PRDM10: variants seen among roughly 807,000 people sequenced by gnomAD.
PRDM10 encodes the protein PR/SET domain 10.
In PRDM10, 65 loss-of-function variants were observed where a neutral mutation model predicts 133.1. The observed-to-expected ratio is 0.49, with a 90% confidence interval of 0.40 to 0.60. The LOEUF (loss-of-function observed/expected upper bound fraction) is 0.60, where lower values mean the gene tolerates loss of function less well. PRDM10 is among the 20% of genes least tolerant of loss of function. The pLI is 0.00. For synonymous variants in PRDM10, 582 were observed against 580.4 expected (o/e 1.00, Z -0.04); for missense variants, 1,137 against 1,507.1 (o/e 0.75, Z 4.07).
At chr11:129,934,729 G>A (rs1486134255) in intron 9 of PRDM10, among the ~76,000 whole-genome samples, 1 of 152,052 alleles carries the variant, frequency 6.6e-6, no homozygotes, top group Non-Finnish European at 1.5e-5. Context: ...TTTATATAGT[G>A]GAATTAAACA....
At chr11:129,940,106 C>T (rs1169483575) in intron 7 of PRDM10, among the ~76,000 whole-genome samples, 1 of 152,176 alleles carries the variant, frequency 6.6e-6, no homozygotes, top group Non-Finnish European at 1.5e-5. Flanking sequence ...ATACCTCAAC[C>T]AATTTATTTT....
intron 13 of PRDM10, among the ~76,000 whole-genome samples, chr11:129,922,124 C>T (rs1405361730): frequency 2.0e-5 from 3 of 152,216 alleles, no homozygotes; most frequent in Admixed American, 2.0e-4. Context: ...AAATCTTCTT[C>T]TGTAACATTC....
chr11:129,946,963 G>A (rs1319231730), intron 5 of PRDM10, among the ~76,000 whole-genome samples, 182 bp downstream of exon 5: 5 of 152,160 alleles, frequency 3.3e-5, no homozygotes, highest in Non-Finnish European at 7.3e-5. Flanking sequence ...GAAAACGAAG[G>A]AGAGTGTCCC....
chr11:129,914,561 G>C (rs2241575), intron 17 of PRDM10, 143 bp downstream of exon 17: 1 of 1,113,408 alleles, frequency 9.0e-7, no homozygotes, highest in Non-Finnish European at 1.3e-6. Flanking sequence ...AGCCTGAAAG[G>C]GGAAGGGGCA....
intron 8 of PRDM10, among the ~76,000 whole-genome samples, chr11:129,936,824 CT>C (rs1951048971): frequency 6.6e-6 from 1 of 152,138 alleles, no homozygotes; most frequent in African/African-American, 2.4e-5. Context: ...CACCCTGAGC[CT>C]GTGAAACTTG....
chr11:129,929,103 C>T (rs1950771615), intron 11 of PRDM10, among the ~76,000 whole-genome samples: 1 of 152,166 alleles, frequency 6.6e-6, no homozygotes, highest in Non-Finnish European at 1.5e-5. Flanking sequence ...TATTGTGTAC[C>T]TAGCATAGTG....
rs1159728991 is a variant in PRDM10, at chr11:129,985,780, CAAAAAAAAAAAAAAA to C, written c.-119+16927_-119+16941del. Among the ~76,000 whole-genome samples the C allele has an allele frequency of 6.7e-3, 179 of 26,744 alleles. 1 individual carries two copies. The highest frequency in any genetic ancestry group is 0.016 in the African/African-American group (167 of 10,752). 17.5% of individuals were successfully genotyped at this position (26,744 alleles called of 152,430 possible). On this transcript the variant is annotated intron_variant, in intron 1 of 20. Transcript: ENST00000360871. ...CTGGGTGACAAAGACAAACCCTGTC[CAAAAAAAAAAAAAAA>C]AAAAAAAAAAAAAAATATATATATA...
chr11:129,982,858 G>A (rs1208432938), intron 1 of PRDM10, among the ~76,000 whole-genome samples: 3 of 152,130 alleles, frequency 2.0e-5, no homozygotes, highest in Non-Finnish European at 2.9e-5. Flanking sequence ...CTACTCAGGA[G>A]GCTAGGGTGG....
intron 20 of PRDM10, among the ~76,000 whole-genome samples, chr11:129,902,922 A>G (rs1949887949): frequency 6.6e-6 from 1 of 152,222 alleles, no homozygotes; most frequent in African/African-American, 2.4e-5. Context: ...TTGAAGAGGC[A>G]GAATGACCCT....
At chr11:129,948,568 C>G (rs1039610516) in intron 4 of PRDM10, among the ~76,000 whole-genome samples, 1 of 152,160 alleles carries the variant, frequency 6.6e-6, no homozygotes, top group Non-Finnish European at 1.5e-5. Flanking sequence ...CACCAGGCAG[C>G]CTGAATCATT....
rs546368878 is a variant in PRDM10 at position 129,997,083 on chromosome 11, C to T, written c.-119+5639G>A. ...CACAGGGCAGTAAAAGGAAAGGCAT[C>T]AATAAAGGCAGCTTAGGGCAAAACT... is the stretch of plus-strand genomic sequence containing the variant. On this transcript the variant is annotated intron_variant, in intron 1 of 20. Transcript: ENST00000360871. 1.1e-4 allele frequency among the ~76,000 whole-genome samples: 16 copies of T among 152,246 alleles called. No homozygotes were observed. The South Asian group carries it at 2.5e-3, about 24-fold the overall frequency.
At chr11:129,985,545 A>C (rs1591695962) in intron 1 of PRDM10, among the ~76,000 whole-genome samples, 1 of 152,062 alleles carries the variant, frequency 6.6e-6, no homozygotes, top group East Asian at 1.9e-4. Context: ...TAACCCCAGC[A>C]CTTTGGGAGG....
At chr11:129,919,516 A>G (rs932522334) in intron 13 of PRDM10, among the ~76,000 whole-genome samples, 1 of 152,216 alleles carries the variant, frequency 6.6e-6, no homozygotes, top group Non-Finnish European at 1.5e-5. Context: ...AAACAAATCC[A>G]TTGTTCACTA....
At chr11:129,988,688 G>A (rs1462835157) in intron 1 of PRDM10, among the ~76,000 whole-genome samples, 1 of 151,760 alleles carries the variant, frequency 6.6e-6, no homozygotes, top group East Asian at 1.9e-4. Context: ...GGAGTGCAGT[G>A]GTGCAATCTC....
In PRDM10 at chr11:129,944,000, A is replaced by G. The variant is rs117484106; in HGVS notation, c.762+771T>C. Among the ~76,000 whole-genome samples, 185 of 152,274 alleles carry G rather than the reference A, an allele frequency of 1.2e-3. 4 individuals are homozygous for G. The East Asian group carries it at 0.032, about 26-fold the overall frequency. On this transcript the variant is annotated intron_variant, in intron 6 of 20. Transcript: ENST00000360871. Reference sequence around the variant, plus strand: ...AGCGAGGCTCCATCTCAAAAAATAAATAAAATAAAATACAAACATTATAAA... The same window carrying G: ...AGCGAGGCTCCATCTCAAAAAATAAGTAAAATAAAATACAAACATTATAAA...
At chr11:129,996,014 T>C (rs765477965) in intron 1 of PRDM10, among the ~76,000 whole-genome samples, 3 of 152,158 alleles carry the variant, frequency 2.0e-5, no homozygotes, top group Non-Finnish European at 4.4e-5. Flanking sequence ...CTTCAAGTAT[T>C]TTAATTCACT....
chr11:129,979,413 G>A (rs1317921372), intron 1 of PRDM10, among the ~76,000 whole-genome samples: 1 of 152,142 alleles, frequency 6.6e-6, no homozygotes, highest in Non-Finnish European at 1.5e-5. Flanking sequence ...GCTGCAGAGG[G>A]CAGAGCAGCG....
Position 129,914,837 on chromosome 11 carries a change from G to A in PRDM10, c.2708C>T (p.Ser903Phe), listed in dbSNP as rs1369073879. The change falls in exon 17 of 21, where the codon TCC becomes TTC. Residue 903 changes from serine to phenylalanine, a missense_variant. Physicochemically the swap from Ser to Phe is radical, Grantham distance 155. Coordinates refer to ENST00000360871, the MANE Select transcript of PRDM10 (RefSeq NM_199437.2). Reference protein sequence around the residue: ...DLLTQAMTELSQTLTTDYRTP... With the variant: ...DLLTQAMTELFQTLTTDYRTP... ...TCGGTAGTCTGTCGTTAAGGTCTGG[G>A]ACAGTTCTGTCATTGCTTGGGTGAG... 5 of 1,614,034 alleles carry A rather than the reference G, an allele frequency of 3.1e-6. No homozygotes were observed. Among genetic ancestry groups the A allele is most frequent in the Non-Finnish European group, 4.2e-6 (5 of 1,180,050 alleles).
Position 129,947,554 on chromosome 11 carries a change from ATC to A in PRDM10, c.295-186_295-185del. ...TGAGGAAGAGCTGGCTTCATTTTTG[ATC>A]TGACTGCTCACAGCCTTTAAGCCTC... On this transcript the variant is annotated intron_variant, in intron 4 of 20. Transcript: ENST00000360871. This position sits in a 1 kb window ranked among gnomAD's most constrained non-coding sequence, Gnocchi z 4.6. 6.9e-7 allele frequency: 1 copy of A among 1,457,518 alleles called. No individual in the cohort carries two copies. Among genetic ancestry groups the A allele is most frequent in the Non-Finnish European group, 9.0e-7 (1 of 1,109,178 alleles). 90.3% of individuals were successfully genotyped at this position (1,457,518 alleles called of 1,614,324 possible).
Sources: gnomAD v4.1 joint callset for allele counts (sites outside exome capture counted in the v4.1 genomes callset) on GRCh38, gnomAD v4.1.1 for gene constraint, Gnocchi (gnomAD v3.1) non-coding constraint, MANE v1.5 for transcripts, NCBI Gene and HGNC (gene_info 2026-07-23, HGNC 2026-07-21) for gene names.